Variants in PABPC4 observed in about 807,000 individuals in gnomAD.
PABPC4 encodes polyadenylate-binding protein 4.
In PABPC4, 15 loss-of-function variants were observed where a neutral mutation model predicts 74.5. The observed-to-expected ratio is 0.20, with a 90% confidence interval of 0.13 to 0.31. The LOEUF is 0.31. PABPC4 is among the 10% of genes least tolerant of loss of function. The probability of loss-of-function intolerance (pLI) is 1.00; values close to 1 mark genes in which losing one functional copy is unlikely to be tolerated. For missense variants in PABPC4, 610 were observed against 853.5 expected, an observed-to-expected ratio of 0.71 and a Z score of 3.55; for synonymous variants, 345 against 303.0, an observed-to-expected ratio of 1.14 and a Z score of -1.44.
intron 12 of PABPC4, 185 bp downstream of exon 12, chr1:39,563,429 A>C (rs1388539427): frequency 1.5e-6 from 1 of 688,844 alleles, no homozygotes. Context: ...CATCAGGCAG[A>C]GCACTTTTAA....
rs919564736 is a variant in PABPC4, at chr1:39,563,350, C to T, written c.1668+264G>A. On this transcript the variant is annotated intron_variant, in intron 12 of 15. Transcript: ENST00000372858. ...CTGGAGGCTCAAACAGCTGAATGAG[C>T]ACATTATTTCGTACAAACAGAAGAG... 2.6e-5 allele frequency: 11 copies of T among 421,684 alleles called. No individual in the cohort carries two copies. The Admixed American group carries it at 4.5e-4, about 17-fold the overall frequency. 26.1% of individuals were successfully genotyped at this position (421,684 alleles called of 1,614,324 possible).
At chr1:39,571,637 C>T (rs971788480) in intron 2 of PABPC4, 4 of 522,980 alleles carry the variant, frequency 7.6e-6, no homozygotes, top group Admixed American at 2.5e-5. Context: ...GCCTGTAATC[C>T]CAATGCTTTG....
chr1:39,576,030 G>C lies in PABPC4; in HGVS notation c.-79C>G. ...GCCGCAGGACAAAGGGGCGCCTTCG[G>C]AGCCCGGGCCCGCGCCGCGGCTCAC... On this transcript the variant is annotated 5_prime_UTR_variant, in exon 1 of 16. Transcript: ENST00000372858. The C allele has an allele frequency of 5.7e-6, 6 of 1,045,268 alleles. No individual in the cohort carries two copies. Among genetic ancestry groups the C allele is most frequent in the Non-Finnish European group, 7.8e-6 (6 of 769,308 alleles). The allele number at this position is 1,045,268 out of a possible 1,614,324, so 64.7% of individuals were successfully genotyped here. A position where few individuals can be genotyped will look rare whatever the true frequency, so the allele number is the denominator to read the frequency against.
In PABPC4 at chr1:39,563,706, C is replaced by T. The variant is rs1421708854; in HGVS notation, c.1576G>A (p.Ala526Thr). The change falls in exon 12 of 16, where the codon GCT (alanine) becomes ACT (threonine). Residue 526 changes from alanine (A) to threonine (T), a missense_variant. By Grantham distance (58) the Ala-to-Thr change is moderately conservative. Coordinates refer to ENST00000372858, the MANE Select transcript of PABPC4 (RefSeq NM_001135653.2). ...PTAVQNLAPR[A>T]AVAAAAPRAV... ...CGGGGAGCAGCAGCAGCAACAGCAG[C>T]GCGTGGCGCTAAGTTCTGCACAGCT... 1.9e-6 allele frequency: 3 copies of T among 1,614,228 alleles called. No homozygotes were observed. Among genetic ancestry groups the T allele is most frequent in the Non-Finnish European group, 2.5e-6 (3 of 1,180,050 alleles).
intron 7 of PABPC4, among the ~76,000 whole-genome samples, chr1:39,566,381 T>C (rs1012637332): frequency 6.6e-6 from 1 of 152,166 alleles, no homozygotes; most frequent in African/African-American, 2.4e-5. Context: ...AGCTCAGAGA[T>C]AGGCAGCCTA....
Position 39,565,279 on chromosome 1 carries a change from C to T in PABPC4, c.1072G>A (p.Val358Met). The T allele has an allele frequency of 6.2e-7, 1 of 1,614,232 alleles. No homozygotes were observed. The highest frequency in any genetic ancestry group is 1.1e-5 in the South Asian group (1 of 91,092). Reference sequence around the variant, plus strand: ...GCAACATATAGTGGCTTGGAGCCCACAATGCGTCCATTCATCTCAGTGACT... The same window carrying T: ...GCAACATATAGTGGCTTGGAGCCCATAATGCGTCCATTCATCTCAGTGACT... ...KAVTEMNGRIVGSKPLYVALA... is the reference protein window; with the variant it reads ...KAVTEMNGRIMGSKPLYVALA... The change falls in exon 8 of 16, where the codon GTG becomes ATG. Residue 358 changes from valine (V) to methionine (M), a missense_variant. Around this residue, in one of 4 missense-constraint regions of PABPC4, gnomAD observed 304 missense variants for 478.9 expected, o/e 0.63. Transcript: ENST00000372858.
rs950266270 is a variant in PABPC4, at chr1:39,576,258, T to C, written c.-307A>G. On this transcript the variant is annotated 5_prime_UTR_variant, in exon 1 of 16. Coordinates refer to ENST00000372858, the MANE Select transcript of PABPC4 (RefSeq NM_001135653.2). ...TCAAAAAATCAAAGTAGGAAAAAAA[T>C]TAAACGGGGAATCCCCTTCCGAAGG... is the stretch of plus-strand genomic sequence containing the variant. 2 of 300,158 alleles carry C rather than the reference T, an allele frequency of 6.7e-6. No homozygotes were observed. The highest frequency in any genetic ancestry group is 4.3e-5 in the African/African-American group (2 of 46,332). 18.6% of individuals were successfully genotyped at this position (300,158 alleles called of 1,614,324 possible).
chr1:39,572,568 G>C lies in PABPC4; in HGVS notation c.212C>G (p.Thr71Ser), dbSNP rs753329817. Residue 71 changes from threonine to serine, a missense_variant, in exon 2 of 16, where the codon ACC (threonine) becomes AGC (serine). Thr to Ser is a moderately conservative substitution (Grantham distance 58, BLOSUM62 1). This residue lies in a region of PABPC4 where 304 missense variants were observed against 478.9 expected (regional missense o/e 0.63). Transcript: ENST00000372858. ...TCCCTTAATCACATCAAAGTTCATG[G>C]TGTCCAAAGCCCGCTCAGCTGTAAG... is the stretch of plus-strand genomic sequence containing the variant. Reference protein sequence around the residue: ...QPADAERALDTMNFDVIKGKP... With the variant: ...QPADAERALDSMNFDVIKGKP... The C allele has an allele frequency of 6.2e-7, 1 of 1,613,770 alleles. No homozygotes were observed. Among genetic ancestry groups the C allele is most frequent in the Non-Finnish European group, 8.5e-7 (1 of 1,179,802 alleles).
At chr1:39,569,466 A>G in intron 5 of PABPC4, 129 bp downstream of exon 5, 1 of 690,656 alleles carries the variant, frequency 1.4e-6, no homozygotes. Context: ...ATGATCCCAG[A>G]GTATAGTAAT....
At chr1:39,569,036 T>A in intron 5 of PABPC4, 97 bp from the exon 6 acceptor site, 1 of 1,313,598 alleles carries the variant, frequency 7.6e-7, no homozygotes, top group Non-Finnish European at 1.0e-6. Flanking sequence ...ACTATAGGAC[T>A]AAAAACTAAA....
rs1645807824 is a variant in PABPC4 at position 39,564,558 on chromosome 1, A to T, written c.1334-16T>A. ...CCTTGGAAGCCTGGTGAAGAGAAAAATTGCACATCATTGAGAAGTGATGTG... is the reference window on the plus strand; with the variant it reads ...CCTTGGAAGCCTGGTGAAGAGAAAATTTGCACATCATTGAGAAGTGATGTG... On this transcript the variant is annotated splice_polypyrimidine_tract_variant and intron_variant, in intron 9 of 15. Coordinates refer to ENST00000372858, the MANE Select transcript of PABPC4 (RefSeq NM_001135653.2). 6.2e-7 allele frequency: 1 copy of T among 1,613,818 alleles called. No homozygotes were observed. The highest frequency in any genetic ancestry group is 1.1e-5 in the South Asian group (1 of 91,052).
chr1:39,562,720 C>T (rs1353676934), intron 12 of PABPC4: 1 of 296,254 alleles, frequency 3.4e-6, no homozygotes, highest in Non-Finnish European at 6.3e-6. Context: ...TTCCTTAATA[C>T]ACCCAAAGTT....
At chr1:39,565,000 T>A in intron 8 of PABPC4, 106 bp downstream of exon 8, 1 of 1,245,154 alleles carries the variant, frequency 8.0e-7, no homozygotes, top group South Asian at 1.4e-5. Flanking sequence ...AGGGTCCTTA[T>A]TGTGACATTC....
In PABPC4 at chr1:39,576,103, G is replaced by A. The variant is rs1025729634; in HGVS notation, c.-152C>T. On this transcript the variant is annotated 5_prime_UTR_variant, in exon 1 of 16. Transcript: ENST00000372858. ...ACGAGCTGGAGTCGGCGGGCTTGGA[G>A]ACGGGACGGAAACGGGAGGCGGGGG... is the stretch of plus-strand genomic sequence containing the variant. The A allele has an allele frequency of 5.5e-6, 3 of 544,710 alleles. No homozygotes were observed. The highest frequency in any genetic ancestry group is 2.0e-5 in the African/African-American group (1 of 49,650). The allele number at this position is 544,710 out of a possible 1,614,324, so 33.7% of individuals were successfully genotyped here.
Position 39,568,893 on chromosome 1 carries a change from A to G in PABPC4, c.785T>C (p.Phe262Ser). The change falls in exon 6 of 16, where the codon TTT becomes TCT. Residue 262 changes from phenylalanine (F) to serine (S), a missense_variant. By Grantham distance (155) the Phe-to-Ser change is radical (BLOSUM62 -2). This residue lies in a region of PABPC4 where 304 missense variants were observed against 478.9 expected (regional missense o/e 0.63). Coordinates refer to ENST00000372858, the MANE Select transcript of PABPC4 (RefSeq NM_001135653.2). Reference protein sequence around the residue: ...NGKEISGKIIFVGRAQKKVER... With the variant: ...NGKEISGKIISVGRAQKKVER... Reference sequence around the variant, plus strand: ...TACTTTCTTTTGTGCACGGCCTACAAATATGATTTTACCACTTATTTCTTT... The same window carrying G: ...TACTTTCTTTTGTGCACGGCCTACAGATATGATTTTACCACTTATTTCTTT... 1 of 1,614,066 alleles carries G rather than the reference A, an allele frequency of 6.2e-7. No individual in the cohort carries two copies. The highest frequency in any genetic ancestry group is 8.5e-7 in the Non-Finnish European group (1 of 1,179,960).
Position 39,576,080 on chromosome 1 carries a change from G to A in PABPC4, c.-129C>T. ...CAGGTGGCACCGGCGCGGCGAGGACGAGCTGGAGTCGGCGGGCTTGGAGAC... is the reference window on the plus strand; with the variant it reads ...CAGGTGGCACCGGCGCGGCGAGGACAAGCTGGAGTCGGCGGGCTTGGAGAC... On this transcript the variant is annotated 5_prime_UTR_variant, in exon 1 of 16. Transcript: ENST00000372858. The A allele has an allele frequency of 1.6e-6, 1 of 624,022 alleles. No individual in the cohort carries two copies. The allele number at this position is 624,022 out of a possible 1,614,324, so 38.7% of individuals were successfully genotyped here. A position where few individuals can be genotyped will look rare whatever the true frequency, so the allele number is the denominator to read the frequency against.
intron 1 of PABPC4, chr1:39,573,131 G>T (rs1246014511): frequency 6.6e-6 from 1 of 151,436 alleles, no homozygotes; most frequent in East Asian, 1.9e-4. Context: ...ATCCACCTAT[G>T]GAGACAAGTG....
intron 2 of PABPC4, among the ~76,000 whole-genome samples, chr1:39,572,002 C>CA (rs1162849283): frequency 6.6e-6 from 1 of 152,162 alleles, no homozygotes; most frequent in Admixed American, 6.5e-5. Context: ...ACACCACCAC[C>CA]GTTTAAGTTT....
In PABPC4 at chr1:39,565,290, T is replaced by C. The variant is rs1196841816; in HGVS notation, c.1061A>G (p.Asn354Ser). ...EEATKAVTEM[N>S]GRIVGSKPLY... is the part of the protein sequence containing the mutation. ...TGGCTTGGAGCCCACAATGCGTCCA[T>C]TCATCTCAGTGACTGCTTTGGTTGC... Residue 354 changes from asparagine to serine, a missense_variant, in exon 8 of 16, where the codon AAT becomes AGT. Transcript: ENST00000372858. 1 of 1,614,104 alleles carries C rather than the reference T, an allele frequency of 6.2e-7. No individual in the cohort carries two copies. Among genetic ancestry groups the C allele is most frequent in the African/African-American group, 1.3e-5 (1 of 74,940 alleles).
Sources: gnomAD v4.1 joint callset for allele counts (sites outside exome capture counted in the v4.1 genomes callset) on GRCh38, gnomAD v4.1.1 for gene constraint, gnomAD v4.1.1 regional missense constraint, MANE v1.5 for transcripts, NCBI Gene and HGNC (gene_info 2026-07-23, HGNC 2026-07-21) for gene names.